The following KIAA1549 variants were observed in gnomAD, a reference collection of about 807,000 sequenced individuals.
The protein encoded by KIAA1549 is UPF0606 protein KIAA1549.
Under a neutral mutation model 156.4 loss-of-function variants are expected in KIAA1549, and 70 were observed. The observed-to-expected ratio is 0.45, with a 90% confidence interval of 0.37 to 0.55. The LOEUF (loss-of-function observed/expected upper bound fraction) is 0.55, where lower values mean the gene tolerates loss of function less well. Among genes scored for constraint, KIAA1549 ranks in the 20% least tolerant of loss-of-function variants. The probability of loss-of-function intolerance (pLI) is 0.00; values close to 1 mark genes in which losing one functional copy is unlikely to be tolerated. For synonymous variants in KIAA1549, 1,103 were observed against 1,066.4 expected, an observed-to-expected ratio of 1.03 and a Z score of -0.67; for missense variants, 2,428 against 2,540.9, an observed-to-expected ratio of 0.96 and a Z score of 0.96.
chr7:138,871,307 C>T lies in KIAA1549; in HGVS notation c.4401G>A (p.Glu1467=), dbSNP rs1205138602. The change falls in exon 13 of 20, where the codon GAG becomes GAA. Residue 1467 remains glutamate (E), a synonymous_variant. Transcript: ENST00000422774. ...GGGGGCGGGAGATCCTGTCCACGTG[C>T]TCGAAGATGGAGGCTGATGAGTGCT... ...NEQHSSASIF[E]HVDRISRPPE... 1 of 1,604,882 alleles carries T rather than the reference C, an allele frequency of 6.2e-7. No homozygotes were observed. Among genetic ancestry groups the T allele is most frequent in the South Asian group, 1.1e-5 (1 of 89,510 alleles).
chr7:138,877,506 ATT>A (rs1382245164), intron 12 of KIAA1549, among the ~76,000 whole-genome samples: 1 of 152,218 alleles, frequency 6.6e-6, no homozygotes, highest in African/African-American at 2.4e-5. Flanking sequence ...AAAGCAAAAA[ATT>A]TTAAAAAATA....
At position 138,966,648 on chromosome 7, in the gene KIAA1549, G is replaced by T. The variant is rs145788795; in HGVS notation, c.187+14435C>A. ...TCCTAGCCATGCTGGCAGCTGATTA[G>T]ATTGTGCTCACCCAGATTAAGGGTG... is the stretch of plus-strand genomic sequence containing the variant. On this transcript the variant is annotated intron_variant, in intron 1 of 19. Transcript: ENST00000422774. Among the ~76,000 whole-genome samples the T allele has an allele frequency of 2.7e-3, 406 of 151,982 alleles. 4 individuals are homozygous for T. The highest frequency in any genetic ancestry group is 9.2e-3 in the African/African-American group (380 of 41,420).
In KIAA1549 at chr7:138,917,720, C is replaced by T. The variant is rs756575861; in HGVS notation, c.1906G>A (p.Gly636Ser). 66 of 1,596,916 alleles carry T rather than the reference C, an allele frequency of 4.1e-5. 1 individual carries two copies. Among genetic ancestry groups the T allele is most frequent in the East Asian group, 3.6e-4 (16 of 44,212 alleles). The change falls in exon 2 of 20, where the codon GGC (glycine) becomes AGC (serine). Residue 636 changes from glycine (G) to serine (S), a missense_variant. By Grantham distance (56) the Gly-to-Ser change is moderately conservative. Around this residue, in one of 5 missense-constraint regions of KIAA1549, gnomAD observed 893 missense variants for 847.9 expected, o/e 1.05. Coordinates refer to ENST00000422774, the MANE Select transcript of KIAA1549 (RefSeq NM_001164665.2). ...GCTTCCGAAGGCGAAGAGATGGAGC[C>T]GCTGAGTTCCAGCGGGGGTGTTGAG... Reference protein sequence around the residue: ...FFSTPPLELSGSISSPSEAPA... With the variant: ...FFSTPPLELSSSISSPSEAPA...
Position 138,879,548 on chromosome 7 carries a change from A to G in KIAA1549, c.4335T>C (p.Ala1445=), listed in dbSNP as rs770351026. Residue 1445 remains alanine (A), a synonymous_variant, in exon 12 of 20, where the codon GCT becomes GCC. Coordinates refer to ENST00000422774, the MANE Select transcript of KIAA1549 (RefSeq NM_001164665.2). ...AGAAGAGTCACAGACCGCTCTGCGG[A>G]GCTCTGTGGGACCTGCCATCGTTGA... The part of the protein sequence containing the change: ...GAVNDGRSHR[A]PQSGPPLPSS... The G allele has an allele frequency of 6.4e-7, 1 of 1,559,012 alleles. No homozygotes were observed.
intron 17 of KIAA1549, among the ~76,000 whole-genome samples, chr7:138,849,586 G>A (rs947903701): frequency 6.6e-6 from 1 of 151,714 alleles, no homozygotes; most frequent in African/African-American, 2.4e-5. Flanking sequence ...TTAGGTTCAG[G>A]GGTACATGTG....
At chr7:138,858,304 C>A (rs1248849698) in intron 16 of KIAA1549, among the ~76,000 whole-genome samples, 1 of 152,006 alleles carries the variant, frequency 6.6e-6, no homozygotes, top group East Asian at 1.9e-4. Context: ...CTGTGTTGCC[C>A]AGGTTGGTCT....
At chr7:138,936,390 C>T (rs1584769084) in intron 1 of KIAA1549, among the ~76,000 whole-genome samples, 1 of 152,142 alleles carries the variant, frequency 6.6e-6, no homozygotes, top group African/African-American at 2.4e-5. Flanking sequence ...TGGACCCTCA[C>T]ACATCTTCCT....
intron 1 of KIAA1549, among the ~76,000 whole-genome samples, chr7:138,940,431 T>C (rs985309940): frequency 6.7e-6 from 1 of 149,776 alleles, no homozygotes; most frequent in East Asian, 1.9e-4. Flanking sequence ...ACATTTGGGT[T>C]GGTTCCAAGT....
At chr7:138,844,614 G>C (rs544201205) in intron 17 of KIAA1549, 140 bp from the exon 18 acceptor site, 2 of 789,082 alleles carry the variant, frequency 2.5e-6, no homozygotes, top group African/African-American at 3.6e-5. Context: ...AAGGGGAAGA[G>C]ATGTTTCTCC....
At chr7:138,857,150 A>C (rs1230947039) in intron 16 of KIAA1549, among the ~76,000 whole-genome samples, 1 of 152,166 alleles carries the variant, frequency 6.6e-6, no homozygotes, top group Non-Finnish European at 1.5e-5. Context: ...CTCAGCCTCC[A>C]TAATTACATG....
At chr7:138,910,595 G>A (rs1812140269) in intron 4 of KIAA1549, among the ~76,000 whole-genome samples, 2 of 151,412 alleles carry the variant, frequency 1.3e-5, no homozygotes, top group South Asian at 4.2e-4. Flanking sequence ...ATGAGGTTTC[G>A]CCATGTTGCC....
chr7:138,956,001 C>A (rs1007650766), intron 1 of KIAA1549, among the ~76,000 whole-genome samples: 2 of 152,162 alleles, frequency 1.3e-5, no homozygotes, highest in Non-Finnish European at 2.9e-5. Context: ...TGAGGCAACT[C>A]TCCTGCCTCA....
rs1809540978 is a variant in KIAA1549 at position 138,831,822 on chromosome 7, G to A, written c.*6084C>T. The A allele has an allele frequency of 6.4e-5, 15 of 232,744 alleles. No homozygotes were observed. The East Asian group carries it at 9.1e-4, about 14-fold the overall frequency. The allele number at this position is 232,744 out of a possible 1,614,324, so 14.4% of individuals were successfully genotyped here. On this transcript the variant is annotated 3_prime_UTR_variant, in exon 20 of 20. Coordinates refer to ENST00000422774, the MANE Select transcript of KIAA1549 (RefSeq NM_001164665.2). ...CAACCTTTCCTATTAACGCTAGCCA[G>A]ACTCCCTGCGTCCCAGAGATGCTCC...
At chr7:138,874,988 G>A (rs200843757) in intron 12 of KIAA1549, among the ~76,000 whole-genome samples, 6 of 151,872 alleles carry the variant, frequency 4.0e-5, no homozygotes, top group Middle Eastern at 3.4e-3. Flanking sequence ...GAGTGAGACC[G>A]TGTCTCAAAA....
At chr7:138,864,258 C>T (rs1470089770) in intron 15 of KIAA1549, among the ~76,000 whole-genome samples, 1 of 152,114 alleles carries the variant, frequency 6.6e-6, no homozygotes, top group African/African-American at 2.4e-5. Context: ...AGCAGAGTCC[C>T]CAGCGGCTAT....
chr7:138,903,823 G>C (rs1204688602), intron 7 of KIAA1549, 87 bp from the exon 8 acceptor site: 5 of 319,658 alleles, frequency 1.6e-5, no homozygotes, highest in Non-Finnish European at 2.6e-5. Context: ...GTGTGTGTGT[G>C]TGTGTGTGTG....
chr7:138,832,191 C>CTTTTTTTTTTT lies in KIAA1549; in HGVS notation c.*5704_*5714dup, dbSNP rs749938588. 5.2e-4 allele frequency: 75 copies of CTTTTTTTTTTT among 143,752 alleles called. 1 individual carries two copies. The highest frequency in any genetic ancestry group is 2.3e-3 in the African/African-American group (70 of 30,004). 8.9% of individuals were successfully genotyped at this position (143,752 alleles called of 1,614,324 possible). A position where few individuals can be genotyped will look rare whatever the true frequency, so the allele number is the denominator to read the frequency against. ...TCACCTCTGTCCCTTTTACCTATTC[C>CTTTTTTTTTTT]TTTTTTTTTTTTTTTTTTTTCCAGA... On this transcript the variant is annotated 3_prime_UTR_variant, in exon 20 of 20. Coordinates refer to ENST00000422774, the MANE Select transcript of KIAA1549 (RefSeq NM_001164665.2).
chr7:138,879,768 C>T (rs993424634), intron 11 of KIAA1549, 115 bp from the exon 12 acceptor site: 6 of 664,958 alleles, frequency 9.0e-6, no homozygotes, highest in African/African-American at 1.8e-5. Flanking sequence ...AGAAATGAAA[C>T]GGTCCAAAAA....
At chr7:138,849,110 A>G (rs1810164284) in intron 17 of KIAA1549, among the ~76,000 whole-genome samples, 1 of 152,070 alleles carries the variant, frequency 6.6e-6, no homozygotes, top group Admixed American at 6.6e-5. Flanking sequence ...GGTCCTTTTC[A>G]TTCTTCTTAT....
Sources: gnomAD v4.1 joint callset for allele counts (sites outside exome capture counted in the v4.1 genomes callset) on GRCh38, gnomAD v4.1.1 for gene constraint, gnomAD v4.1.1 regional missense constraint, MANE v1.5 for transcripts, NCBI Gene and HGNC (gene_info 2026-07-23, HGNC 2026-07-21) for gene names.